The following CNTNAP2 variants were observed in gnomAD, a reference collection of about 807,000 sequenced individuals.
The protein encoded by CNTNAP2 is contactin associated protein 2.
A neutral mutation model predicts 155.2 loss-of-function variants in CNTNAP2; 98 were observed. That is an observed-to-expected ratio of 0.63 (90% CI 0.54 to 0.75). The LOEUF (loss-of-function observed/expected upper bound fraction) is 0.75, where lower values mean the gene tolerates loss of function less well. Among genes scored for constraint, CNTNAP2 ranks in the 30% least tolerant of loss-of-function variants. The probability of loss-of-function intolerance (pLI) is 0.00; values close to 1 mark genes in which losing one functional copy is unlikely to be tolerated. For missense variants in CNTNAP2, 1,727 were observed against 1,688.1 expected, an observed-to-expected ratio of 1.02 and a Z score of -0.40; for synonymous variants, 651 against 631.2, an observed-to-expected ratio of 1.03 and a Z score of -0.47.
rs576489192 is a variant in CNTNAP2, at chr7:147,746,248, G to C, written c.2098+106942G>C. Among the ~76,000 whole-genome samples the C allele has an allele frequency of 2.1e-4, 32 of 152,306 alleles. No homozygotes were observed. In the East Asian group the frequency reaches 6.0e-3, roughly 29 times the overall value. ...AGAAAAACTCTCTGATCCCCAATCT[G>C]TTTGCTCTACTGATTGAAAGATACC... On this transcript the variant is annotated intron_variant, in intron 13 of 23. Transcript: ENST00000361727.
intron 1 of CNTNAP2, among the ~76,000 whole-genome samples, chr7:146,720,687 C>T (rs1266886893): frequency 1.3e-5 from 2 of 151,628 alleles, no homozygotes; most frequent in South Asian, 2.1e-4. Flanking sequence ...CTGTCTGTTA[C>T]GTTTTCACTC....
chr7:147,639,233 C>T lies in CNTNAP2; in HGVS notation c.2025C>T (p.Ile675=). Reference sequence around the variant, plus strand: ...CCTCCATGGACCAGATAAGTGCCATCACTGACAGTGCCGAGTACTGCGAGC... The same window carrying T: ...CCTCCATGGACCAGATAAGTGCCATTACTGACAGTGCCGAGTACTGCGAGC... The part of the protein sequence containing the change: ...YSASMDQISA[I]TDSAEYCEQY... Residue 675 remains isoleucine, a synonymous_variant, in exon 13 of 24, where the codon ATC becomes ATT. Coordinates refer to ENST00000361727, the MANE Select transcript of CNTNAP2 (RefSeq NM_014141.6). 1 of 1,614,138 alleles carries T rather than the reference C, an allele frequency of 6.2e-7. No individual in the cohort carries two copies. Among genetic ancestry groups the T allele is most frequent in the Non-Finnish European group, 8.5e-7 (1 of 1,179,994 alleles).
chr7:148,361,250 G>C (rs1218314758), intron 21 of CNTNAP2, among the ~76,000 whole-genome samples: 1 of 152,196 alleles, frequency 6.6e-6, no homozygotes, highest in Admixed American at 6.5e-5. Flanking sequence ...TCTTTTAGGT[G>C]AATTCAGTCT....
At chr7:147,056,033 T>C (rs1199476346) in intron 4 of CNTNAP2, among the ~76,000 whole-genome samples, 3 of 152,224 alleles carry the variant, frequency 2.0e-5, no homozygotes, top group African/African-American at 4.8e-5. Context: ...CTACATAAGA[T>C]GTTTGCTTTG....
At chr7:146,557,682 A>G (rs1217723982) in intron 1 of CNTNAP2, among the ~76,000 whole-genome samples, 3 of 151,314 alleles carry the variant, frequency 2.0e-5, no homozygotes, top group African/African-American at 7.4e-5. Flanking sequence ...GAGACTTGCC[A>G]GTACCCAGTG....
At chr7:148,019,218 A>G (rs1023554685) in intron 15 of CNTNAP2, among the ~76,000 whole-genome samples, 18 of 152,250 alleles carry the variant, frequency 1.2e-4, no homozygotes, top group Admixed American at 9.8e-4. Flanking sequence ...GTGTGGTCCC[A>G]AATCACTCCT....
chr7:146,934,687 T>C (rs543150841), intron 3 of CNTNAP2, among the ~76,000 whole-genome samples: 2 of 152,314 alleles, frequency 1.3e-5, no homozygotes, highest in Admixed American at 1.3e-4. Context: ...TGGACAATGG[T>C]ATTTTTATAC....
chr7:147,057,281 A>C (rs1799580280), intron 4 of CNTNAP2, among the ~76,000 whole-genome samples: 1 of 152,158 alleles, frequency 6.6e-6, no homozygotes, highest in Non-Finnish European at 1.5e-5. Flanking sequence ...GCTGAGCCTA[A>C]AGCCTGCTTC....
intron 1 of CNTNAP2, among the ~76,000 whole-genome samples, chr7:146,358,208 G>A (rs1016266422): frequency 2.0e-5 from 3 of 151,834 alleles, no homozygotes; most frequent in African/African-American, 7.3e-5. Context: ...CTAATTTTTT[G>A]TATTTTTAGT....
chr7:148,340,578 A>G (rs1798210539), intron 21 of CNTNAP2, among the ~76,000 whole-genome samples: 2 of 152,354 alleles, frequency 1.3e-5, no homozygotes, highest in Non-Finnish European at 1.5e-5. Flanking sequence ...TGTGTGGAGA[A>G]TAGAATTGAT....
At chr7:146,477,250 T>A (rs1045594867) in intron 1 of CNTNAP2, among the ~76,000 whole-genome samples, 1 of 152,198 alleles carries the variant, frequency 6.6e-6, no homozygotes, top group Non-Finnish European at 1.5e-5. Flanking sequence ...CAGTTGGCAC[T>A]GTAATATTCA....
intron 9 of CNTNAP2, among the ~76,000 whole-genome samples, chr7:147,386,745 C>T (rs544937928): frequency 6.6e-6 from 1 of 152,328 alleles, no homozygotes; most frequent in African/African-American, 2.4e-5. Flanking sequence ...ACTGTTCCAA[C>T]CTCTGCCGTC....
At chr7:146,234,869 T>G (rs895637131) in intron 1 of CNTNAP2, among the ~76,000 whole-genome samples, 1 of 152,206 alleles carries the variant, frequency 6.6e-6, no homozygotes, top group African/African-American at 2.4e-5. Flanking sequence ...TTTTAGCATA[T>G]GAGTTGGGAA....
intron 8 of CNTNAP2, among the ~76,000 whole-genome samples, chr7:147,238,138 C>T (rs1397898405): frequency 6.6e-6 from 1 of 152,166 alleles, no homozygotes; most frequent in Non-Finnish European, 1.5e-5. Context: ...CCTCGGCCTC[C>T]CGAGTAGCTG....
chr7:148,059,779 T>A (rs1585103273), intron 15 of CNTNAP2, among the ~76,000 whole-genome samples: 1 of 149,378 alleles, frequency 6.7e-6, no homozygotes, highest in South Asian at 2.1e-4. Context: ...ATATATATAT[T>A]TAGTAAGGAG....
At chr7:146,654,635 G>A (rs577505955) in intron 1 of CNTNAP2, among the ~76,000 whole-genome samples, 1 of 152,276 alleles carries the variant, frequency 6.6e-6, no homozygotes. Flanking sequence ...GTCCCATATA[G>A]TGATTTGGTT....
At chr7:148,335,457 C>T (rs903424553) in intron 21 of CNTNAP2, among the ~76,000 whole-genome samples, 1 of 152,212 alleles carries the variant, frequency 6.6e-6, no homozygotes, top group Non-Finnish European at 1.5e-5. Flanking sequence ...GGCTCTGCTA[C>T]TCCACATCAA....
At chr7:147,250,839 C>T (rs6962953) in intron 8 of CNTNAP2, among the ~76,000 whole-genome samples, 2,507 of 152,206 alleles carry the variant, frequency 0.016, 70 homozygotes, top group African/African-American at 0.057. Context: ...GCAGTCTGTC[C>T]GAGCAAGTCC....
intron 13 of CNTNAP2, among the ~76,000 whole-genome samples, chr7:147,857,871 T>C (rs1234315819): frequency 6.6e-6 from 1 of 152,186 alleles, no homozygotes; most frequent in Non-Finnish European, 1.5e-5. Context: ...TGCAAGTAAT[T>C]ATGTACCTAT....
Sources: allele counts gnomAD v4.1 joint callset (sites outside exome capture counted in the v4.1 genomes callset), GRCh38; gene constraint gnomAD v4.1.1; transcripts MANE v1.5; gene names NCBI Gene and HGNC (gene_info 2026-07-23, HGNC 2026-07-21).